PDE8B: variants seen among roughly 807,000 people sequenced by gnomAD.
The protein encoded by PDE8B is phosphodiesterase 8B.
In PDE8B, 26 loss-of-function variants were observed where a neutral mutation model predicts 101.3. That is an observed-to-expected ratio of 0.26 (90% CI 0.19 to 0.36). PDE8B has a LOEUF of 0.36. Ranked by LOEUF, PDE8B falls within the 10% of genes least tolerant of loss-of-function variation. PDE8B has a pLI of 1.00. For synonymous variants in PDE8B, 424 were observed against 429.3 expected (o/e 0.99, Z 0.15); for missense variants, 810 against 1,163.1 (o/e 0.70, Z 4.42).
intron 7 of PDE8B, among the ~76,000 whole-genome samples, chr5:77,348,172 T>C (rs1581173349): frequency 1.3e-5 from 2 of 152,290 alleles, no homozygotes; most frequent in South Asian, 2.1e-4. Context: ...TCATGACTGC[T>C]GCCATCACAG....
intron 14 of PDE8B, among the ~76,000 whole-genome samples, chr5:77,409,879 C>G (rs1238026098): frequency 6.6e-6 from 1 of 152,262 alleles, no homozygotes. Context: ...CATTCTCCAC[C>G]TGGAACTTGA....
the PDE8B span, chr5:77,151,745 C>T: frequency 6.6e-6 from 1 of 152,332 alleles, no homozygotes; most frequent in East Asian, 1.9e-4. Context: ...CTCACTTCAC[C>T]ACCACTCCCC....
At chr5:77,125,508 T>C in the PDE8B span, among the ~76,000 whole-genome samples, 1 of 152,212 alleles carries the variant, frequency 6.6e-6, no homozygotes, top group Non-Finnish European at 1.5e-5. Flanking sequence ...TAGATACTTG[T>C]ACACCAACGT....
intron 17 of PDE8B, among the ~76,000 whole-genome samples, chr5:77,415,504 CATG>C (rs1252851354): frequency 1.3e-5 from 2 of 152,006 alleles, no homozygotes; most frequent in East Asian, 3.9e-4. Flanking sequence ...ATTGCAGGCA[CATG>C]CCACCAAGCC....
At chr5:77,283,739 T>C (rs1362495141) in intron 1 of PDE8B, among the ~76,000 whole-genome samples, 1 of 152,240 alleles carries the variant, frequency 6.6e-6, no homozygotes, top group East Asian at 1.9e-4. Context: ...AGCCACCTAC[T>C]GAAAGACAGC....
the PDE8B span, among the ~76,000 whole-genome samples, chr5:77,181,411 A>C: frequency 2.0e-5 from 3 of 152,160 alleles, no homozygotes; most frequent in African/African-American, 4.8e-5. Context: ...AAACGCACCT[A>C]GTTACCAGGA....
chr5:77,419,726 A>G (rs1424943161), intron 18 of PDE8B, 41 bp from the exon 19 acceptor site: 7 of 1,611,712 alleles, frequency 4.3e-6, no homozygotes, highest in Non-Finnish European at 3.4e-6. Flanking sequence ...ATAATTTGAG[A>G]CACGCTGTGA....
intron 1 of PDE8B, among the ~76,000 whole-genome samples, chr5:77,223,329 A>G (rs1751603339): frequency 6.7e-6 from 1 of 150,070 alleles, no homozygotes; most frequent in South Asian, 2.2e-4. Context: ...GGTGTGCTGC[A>G]CCCATTAACT....
intron 10 of PDE8B, among the ~76,000 whole-genome samples, chr5:77,373,619 C>T (rs1785486862): frequency 6.6e-6 from 1 of 152,124 alleles, no homozygotes; most frequent in Non-Finnish European, 1.5e-5. Context: ...TGACATCTTT[C>T]ACTAAGCATA....
intron 8 of PDE8B, 139 bp downstream of exon 8, chr5:77,349,698 G>T: frequency 1.0e-6 from 1 of 998,568 alleles, no homozygotes; most frequent in South Asian, 1.4e-5. Flanking sequence ...TTTGCAAAAT[G>T]AGTTCGTTTT....
At chr5:77,372,566 G>A (rs1036238972) in intron 10 of PDE8B, among the ~76,000 whole-genome samples, 10 of 152,230 alleles carry the variant, frequency 6.6e-5, no homozygotes, top group South Asian at 4.1e-4. Context: ...TTTTTTATGC[G>A]GAAAGATTTT....
intron 13 of PDE8B, among the ~76,000 whole-genome samples, chr5:77,408,556 C>T (rs566826889): frequency 3.9e-5 from 6 of 152,198 alleles, no homozygotes; most frequent in Admixed American, 2.6e-4. Flanking sequence ...TATAGGTGTC[C>T]AAAGTCGTGG....
chr5:77,381,679 GTT>G (rs1009663134), intron 10 of PDE8B, among the ~76,000 whole-genome samples: 1 of 151,842 alleles, frequency 6.6e-6, no homozygotes, highest in Admixed American at 6.6e-5. Flanking sequence ...TTTTCATATT[GTT>G]TTTAGGGTTT....
At chr5:77,361,516 C>CATTTTT (rs531096862) in intron 10 of PDE8B, among the ~76,000 whole-genome samples, 1 of 139,994 alleles carries the variant, frequency 7.1e-6, no homozygotes, top group Non-Finnish European at 1.6e-5. Context: ...TTTCATCTTA[C>CATTTTT]TTTTTTTTTT....
At chr5:77,391,324 G>A (rs1010330898) in intron 10 of PDE8B, among the ~76,000 whole-genome samples, 2 of 152,114 alleles carry the variant, frequency 1.3e-5, no homozygotes, top group African/African-American at 2.4e-5. Context: ...CACTGCTCTC[G>A]GCACAGAGCA....
intron 1 of PDE8B, among the ~76,000 whole-genome samples, chr5:77,298,502 C>T (rs1769136585): frequency 6.6e-6 from 1 of 152,134 alleles, no homozygotes. Flanking sequence ...CTGGAGGGGG[C>T]GAGGCAAGTC....
intron 10 of PDE8B, among the ~76,000 whole-genome samples, chr5:77,391,005 G>A (rs968554058): frequency 6.6e-6 from 1 of 152,216 alleles, no homozygotes; most frequent in Non-Finnish European, 1.5e-5. Context: ...ACACGTAAGA[G>A]ATGGCTGTGG....
chr5:77,362,997 T>C (rs2150573153), intron 10 of PDE8B, among the ~76,000 whole-genome samples: 1 of 152,360 alleles, frequency 6.6e-6, no homozygotes, highest in East Asian at 1.9e-4. Flanking sequence ...CATCTCCCAC[T>C]GATGCTGCTG....
chr5:77,331,773 C>T (rs1159745356), intron 5 of PDE8B, among the ~76,000 whole-genome samples: 1 of 152,156 alleles, frequency 6.6e-6, no homozygotes, highest in Non-Finnish European at 1.5e-5. Flanking sequence ...TAAATCAGTA[C>T]AGTCAATTCG....
Sources: gnomAD v4.1 joint callset for allele counts (sites outside exome capture counted in the v4.1 genomes callset) on GRCh38, gnomAD v4.1.1 for gene constraint, MANE v1.5 for transcripts, NCBI Gene and HGNC (gene_info 2026-07-23, HGNC 2026-07-21) for gene names.